Variants in NOX3 observed in about 807,000 individuals in gnomAD.
NOX3 encodes NADPH oxidase catalytic subunit-like 3.
In NOX3, 74 loss-of-function variants were observed where a neutral mutation model predicts 76.7. The observed-to-expected ratio is 0.96, with a 90% CI of 0.80 to 1.17. The LOEUF is 1.17. NOX3 is among the 50% of genes most tolerant of loss of function. The pLI, the probability that NOX3 is intolerant of heterozygous loss-of-function variation, is 0.00. For synonymous variants in NOX3, 263 were observed against 261.1 expected (o/e 1.01, Z -0.07); for missense variants, 695 against 703.3 (o/e 0.99, Z 0.13).
At position 155,396,830 on chromosome 6, in the gene NOX3, CA is replaced by C; in HGVS notation, c.*5del. The C allele has an allele frequency of 6.2e-7, 1 of 1,606,086 alleles. No homozygotes were observed. Among genetic ancestry groups the C allele is most frequent in the Non-Finnish European group, 8.5e-7 (1 of 1,175,930 alleles). On this transcript the variant is annotated 3_prime_UTR_variant, in exon 13 of 14. Coordinates refer to ENST00000159060, the MANE Select transcript of NOX3 (RefSeq NM_015718.3). ...TTACACAATGCCTGGACTTGACCTC[CA>C]AAGTCTAGAAGCTCTCCTTGTTGTA...
intron 10 of NOX3, among the ~76,000 whole-genome samples, chr6:155,421,180 G>T (rs1397720081): frequency 6.6e-6 from 1 of 152,166 alleles, no homozygotes; most frequent in African/African-American, 2.4e-5. Flanking sequence ...GTTTTGTCAT[G>T]GAAAGAGCCA....
In NOX3 at chr6:155,421,519, T is replaced by A. The variant is rs146498929; in HGVS notation, c.1308+1175A>T. Among the ~76,000 whole-genome samples the A allele has an allele frequency of 9.0e-4, 137 of 152,298 alleles. 1 individual carries two copies. The highest frequency in any genetic ancestry group is 3.2e-3 in the African/African-American group (134 of 41,558). The stretch of plus-strand genomic sequence containing the variant: ...GGTGAGGAAAGGTTCTGTAGCTAAA[T>A]AAGCTTGGGAAAGATAGATGAAACA... On this transcript the variant is annotated intron_variant, in intron 10 of 13. Transcript: ENST00000159060.
intron 10 of NOX3, among the ~76,000 whole-genome samples, chr6:155,414,425 A>G (rs1776597008): frequency 6.6e-6 from 1 of 152,302 alleles, no homozygotes; most frequent in South Asian, 2.1e-4. Context: ...CCCTGAAATC[A>G]GCTACCTGTA....
chr6:155,412,894 G>A (rs1025480625), intron 10 of NOX3, among the ~76,000 whole-genome samples: 6 of 152,234 alleles, frequency 3.9e-5, no homozygotes, highest in Non-Finnish European at 8.8e-5. Context: ...CTTAGAGGGA[G>A]AAGGAAGATG....
Position 155,433,859 on chromosome 6 carries a change from A to G in NOX3, c.798+2559T>C, listed in dbSNP as rs118185489. Among the ~76,000 whole-genome samples, 1,431 of 152,338 alleles carry G rather than the reference A, an allele frequency of 9.4e-3. 6 individuals carry two copies. The highest frequency in any genetic ancestry group is 0.016 in the Non-Finnish European group (1,095 of 68,040). On this transcript the variant is annotated intron_variant, in intron 7 of 13. Transcript: ENST00000159060. ...ATTAAATAATGGGGAAGAACTATTT[A>G]GTATCTAAGTTTCCTTAATGCTAAA...
Position 155,411,246 on chromosome 6 carries a change from GA to G in NOX3, c.1422del (p.His475IlefsTer15), listed in dbSNP as rs1436923828. 3 of 1,613,978 alleles carry G rather than the reference GA, an allele frequency of 1.9e-6. No individual in the cohort carries two copies. The highest frequency in any genetic ancestry group is 2.5e-6 in the Non-Finnish European group (3 of 1,179,932). ...SEQGKTHFLS[Y>X]HIFLTGWDEN... is the part of the protein sequence containing the mutation. ...TCATCCCAGCCGGTAAGAAATATAT[GA>G]TAACTCAGAAAGTGAGTTTTCCCCT... On this transcript the variant is annotated frameshift_variant, in exon 11 of 14. Transcript: ENST00000159060. LOFTEE classifies it high-confidence loss of function.
At chr6:155,423,811 G>A (rs892580312) in intron 9 of NOX3, among the ~76,000 whole-genome samples, 2 of 147,326 alleles carry the variant, frequency 1.4e-5, no homozygotes, top group South Asian at 2.1e-4. Flanking sequence ...TGCGATCTCC[G>A]CTCTCTGCAA....
At chr6:155,448,108 C>A (rs1426142524) in intron 4 of NOX3, among the ~76,000 whole-genome samples, 1 of 152,138 alleles carries the variant, frequency 6.6e-6, no homozygotes. Context: ...GAAGAGGATA[C>A]TTCTCAGTCA....
intron 6 of NOX3, among the ~76,000 whole-genome samples, chr6:155,437,060 G>C (rs1194048986): frequency 6.6e-6 from 1 of 152,196 alleles, no homozygotes; most frequent in Non-Finnish European, 1.5e-5. Flanking sequence ...GCCAGTGTTT[G>C]ACTCAGTCAA....
intron 4 of NOX3, among the ~76,000 whole-genome samples, chr6:155,449,693 C>G (rs1777109994): frequency 6.6e-6 from 1 of 152,112 alleles, no homozygotes; most frequent in Non-Finnish European, 1.5e-5. Flanking sequence ...ATGATTTGAC[C>G]AATTAAAGCC....
rs1206022867 is a variant in NOX3, at chr6:155,403,180, C to T, written c.1580+3950G>A. ...TTGTTTAAAAATTAGATTTTATTGG[C>T]ATTCTCTTTCCGAGATTTCTTCATT... On this transcript the variant is annotated intron_variant, in intron 12 of 13. Coordinates refer to ENST00000159060, the MANE Select transcript of NOX3 (RefSeq NM_015718.3). 2.0e-5 allele frequency among the ~76,000 whole-genome samples: 3 copies of T among 152,282 alleles called. No homozygotes were observed. The East Asian group carries it at 5.8e-4, about 29-fold the overall frequency.
Position 155,395,530 on chromosome 6 carries a change from G to A in NOX3, c.*72C>T, listed in dbSNP as rs886492662. 6.6e-6 allele frequency: 1 copy of A among 152,158 alleles called. No individual in the cohort carries two copies. Among genetic ancestry groups the A allele is most frequent in the African/African-American group, 2.4e-5 (1 of 41,430 alleles). 9.4% of individuals were successfully genotyped at this position (152,158 alleles called of 1,614,324 possible). A position where few individuals can be genotyped will look rare whatever the true frequency, so the allele number is the denominator to read the frequency against. On this transcript the variant is annotated 3_prime_UTR_variant, in exon 14 of 14. Coordinates refer to ENST00000159060, the MANE Select transcript of NOX3 (RefSeq NM_015718.3). ...AGCTCATATCAACAGGCCGTCACAG[G>A]AATTCCTGGTGGAGTTCTTTGGAAT...
In NOX3 at chr6:155,416,661, T is replaced by C. The variant is rs78225189; in HGVS notation, c.1309-5301A>G. On this transcript the variant is annotated intron_variant, in intron 10 of 13. Transcript: ENST00000159060. ...CTATATTGCTACTTCGCCCTGTGGC[T>C]GAGGACTGATCTCTTTTGGGCCTCC... 0.011 allele frequency among the ~76,000 whole-genome samples: 1,707 copies of C among 152,236 alleles called. 66 individuals carry two copies. In the East Asian group the frequency reaches 0.13, roughly 12 times the overall value.
At chr6:155,444,774 G>A (rs926101623) in intron 4 of NOX3, among the ~76,000 whole-genome samples, 3 of 152,104 alleles carry the variant, frequency 2.0e-5, no homozygotes, top group Non-Finnish European at 2.9e-5. Flanking sequence ...TGGCAGTCGG[G>A]GTCAGTACTA....
intron 4 of NOX3, among the ~76,000 whole-genome samples, chr6:155,446,417 A>G (rs1297208512): frequency 2.6e-5 from 4 of 152,166 alleles, no homozygotes; most frequent in Non-Finnish European, 5.9e-5. Flanking sequence ...CATATTGAAT[A>G]TTTACTATAC....
chr6:155,427,583 C>T (rs765864893), intron 9 of NOX3, among the ~76,000 whole-genome samples: 9 of 152,316 alleles, frequency 5.9e-5, no homozygotes, highest in Middle Eastern at 3.4e-3. Flanking sequence ...GTGTCTCTAC[C>T]GAGCTCCCTA....
chr6:155,407,617 A>C (rs1776481245), intron 11 of NOX3, among the ~76,000 whole-genome samples: 1 of 152,228 alleles, frequency 6.6e-6, no homozygotes, highest in South Asian at 2.1e-4. Flanking sequence ...TTCAACAATT[A>C]ATGTCTACCT....
chr6:155,428,998 C>T lies in NOX3; in HGVS notation c.941G>A (p.Gly314Asp), dbSNP rs946625538. ...GTACTGCCCTGGCGCCATTTTAAAGCCACGCTTTTTCATGTGAAGTTCCAG... is the reference window on the plus strand; with the variant it reads ...GTACTGCCCTGGCGCCATTTTAAAGTCACGCTTTTTCATGTGAAGTTCCAG... The part of the protein sequence containing the change: ...GVLELHMKKR[G>D]FKMAPGQYIL... The change falls in exon 9 of 14, where the codon GGC becomes GAC. Residue 314 changes from glycine to aspartate, a missense_variant. Physicochemically the swap from Gly to Asp is moderately conservative, Grantham distance 94 (BLOSUM62 -1). Transcript: ENST00000159060. The T allele has an allele frequency of 3.7e-6, 6 of 1,611,282 alleles. No homozygotes were observed. In the Admixed American group the frequency reaches 5.0e-5, roughly 13 times the overall value.
At chr6:155,425,160 A>G (rs1000479326) in intron 9 of NOX3, among the ~76,000 whole-genome samples, 2 of 152,174 alleles carry the variant, frequency 1.3e-5, no homozygotes, top group African/African-American at 4.8e-5. Flanking sequence ...GACAACTCTC[A>G]TCTTTTGCCT....
Sources: gnomAD v4.1 joint callset for allele counts (sites outside exome capture counted in the v4.1 genomes callset) on GRCh38, gnomAD v4.1.1 for gene constraint, MANE v1.5 for transcripts, NCBI Gene and HGNC (gene_info 2026-07-23, HGNC 2026-07-21) for gene names.